Variants in FOXP1 observed in about 807,000 individuals in gnomAD.
The protein encoded by FOXP1 is forkhead box protein P1.
A neutral mutation model predicts 98.2 loss-of-function variants in FOXP1; 15 were observed. The observed-to-expected ratio is 0.15, with a 90% CI of 0.10 to 0.24. The LOEUF (loss-of-function observed/expected upper bound fraction) is 0.24. FOXP1 is among the 10% of genes least tolerant of loss of function. FOXP1 has a pLI of 1.00. For synonymous variants in FOXP1, 371 were observed against 314.5 expected, an observed-to-expected ratio of 1.18 and a Z score of -1.90; for missense variants, 633 against 848.5, an observed-to-expected ratio of 0.75 and a Z score of 3.15.
At chr3:71,560,734 G>A (rs766797973) in intron 2 of FOXP1, among the ~76,000 whole-genome samples, 106 of 152,226 alleles carry the variant, frequency 7.0e-4, no homozygotes, top group Non-Finnish European at 1.3e-3. Context: ...TAAAAAGAAT[G>A]AAGTACTGAT....
chr3:71,214,890 T>C (rs1247519244), intron 5 of FOXP1, among the ~76,000 whole-genome samples: 2 of 152,198 alleles, frequency 1.3e-5, no homozygotes, highest in African/African-American at 4.8e-5. Flanking sequence ...GGGTTTCCAA[T>C]AGAACCACAT....
At chr3:71,085,735 C>CTTTTTTTTTTTTTTTGTTTTTTTTTTTTT (rs56318177) in intron 7 of FOXP1, among the ~76,000 whole-genome samples, 1 of 37,038 alleles carries the variant, frequency 2.7e-5, no homozygotes, top group African/African-American at 9.9e-5. Flanking sequence ...CATTTATGGC[C>CTTTTTTTTTTTTTTTGTTTTTTTTTTTTT]TTTTTTTTTT....
At chr3:71,053,163 C>T (rs934499251) in intron 8 of FOXP1, among the ~76,000 whole-genome samples, 1 of 152,064 alleles carries the variant, frequency 6.6e-6, no homozygotes, top group African/African-American at 2.4e-5. Context: ...TCAGCAACAT[C>T]GTATGTGGAA....
chr3:71,513,859 A>C (rs2042374233), intron 2 of FOXP1, among the ~76,000 whole-genome samples: 1 of 152,192 alleles, frequency 6.6e-6, no homozygotes, highest in African/African-American at 2.4e-5. Flanking sequence ...ACAACTCTTA[A>C]GGCTAGCTCT....
chr3:71,109,926 T>C (rs1271395371), intron 7 of FOXP1, among the ~76,000 whole-genome samples: 1 of 152,168 alleles, frequency 6.6e-6, no homozygotes, highest in East Asian at 1.9e-4. Flanking sequence ...AATTCTCTGC[T>C]TGTCAATTCC....
intron 3 of FOXP1, among the ~76,000 whole-genome samples, chr3:71,365,981 A>G (rs1344781116): frequency 1.3e-5 from 2 of 152,212 alleles, no homozygotes; most frequent in African/African-American, 4.8e-5. Context: ...TAAAAACAAA[A>G]CAAAACAAAA....
chr3:71,174,826 A>ACACACACACACACACC (rs1050762895), intron 6 of FOXP1, among the ~76,000 whole-genome samples: 9 of 147,226 alleles, frequency 6.1e-5, no homozygotes, highest in Admixed American at 1.4e-4. Context: ...ACACACACAC[A>ACACACACACACACACC]CCCCAATATA....
intron 3 of FOXP1, among the ~76,000 whole-genome samples, chr3:71,459,931 C>G (rs1251395681): frequency 7.3e-6 from 1 of 137,028 alleles, no homozygotes; most frequent in Non-Finnish European, 1.6e-5. Flanking sequence ...GCCCCATCTT[C>G]TTTTTTTTTT....
At chr3:71,308,675 A>T (rs1315784959) in intron 4 of FOXP1, among the ~76,000 whole-genome samples, 2 of 151,790 alleles carry the variant, frequency 1.3e-5, no homozygotes, top group Admixed American at 6.6e-5. Context: ...CTCTTCTCTG[A>T]TTTGAGCAAA....
At chr3:71,022,512 C>A (rs1020537356) in intron 11 of FOXP1, among the ~76,000 whole-genome samples, 1 of 152,160 alleles carries the variant, frequency 6.6e-6, no homozygotes. Context: ...TTCCCAGATC[C>A]TGTTGATCCT....
At chr3:71,506,275 T>C (rs1416502958) in intron 2 of FOXP1, among the ~76,000 whole-genome samples, 1 of 152,202 alleles carries the variant, frequency 6.6e-6, no homozygotes, top group Admixed American at 6.5e-5. Flanking sequence ...TCTGGGCCTC[T>C]GTTTCATCAG....
chr3:71,416,004 A>G (rs2083183698), intron 3 of FOXP1, among the ~76,000 whole-genome samples: 1 of 152,220 alleles, frequency 6.6e-6, no homozygotes, highest in Admixed American at 6.5e-5. Context: ...TAGACCAACT[A>G]CTATCAATCA....
At chr3:71,308,785 GT>G (rs2074474346) in intron 4 of FOXP1, among the ~76,000 whole-genome samples, 1 of 151,174 alleles carries the variant, frequency 6.6e-6, no homozygotes, top group Non-Finnish European at 1.5e-5. Flanking sequence ...GTGTGTGTGT[GT>G]GTGTGTGTGT....
At chr3:71,332,024 G>A (rs1275631274) in intron 4 of FOXP1, among the ~76,000 whole-genome samples, 3 of 152,226 alleles carry the variant, frequency 2.0e-5, no homozygotes, top group Non-Finnish European at 4.4e-5. Flanking sequence ...TCAGCAGGAT[G>A]TGGGTGGGGC....
At chr3:71,239,559 C>A (rs1476963586) in intron 5 of FOXP1, among the ~76,000 whole-genome samples, 5 of 152,038 alleles carry the variant, frequency 3.3e-5, no homozygotes, top group Non-Finnish European at 7.4e-5. Flanking sequence ...CAAAAACAAA[C>A]AAACAAACAA....
At chr3:71,047,191 A>C in intron 9 of FOXP1, 96 bp from the exon 10 acceptor site, 1 of 1,444,532 alleles carries the variant, frequency 6.9e-7, no homozygotes, top group Non-Finnish European at 9.7e-7. Context: ...TCAAATGCTG[A>C]GAATGGTCAC....
intron 3 of FOXP1, among the ~76,000 whole-genome samples, chr3:71,492,852 A>G (rs571484116): frequency 1.8e-4 from 27 of 152,318 alleles, no homozygotes; most frequent in Admixed American, 2.0e-4. Context: ...AGAGAAAAAT[A>G]TCATCATGTC....
intron 3 of FOXP1, among the ~76,000 whole-genome samples, chr3:71,480,279 A>C (rs1242305715): frequency 2.0e-5 from 3 of 152,214 alleles, no homozygotes; most frequent in Admixed American, 2.0e-4. Context: ...ACTGCAACCA[A>C]AGGACTGAGC....
intron 3 of FOXP1, among the ~76,000 whole-genome samples, chr3:71,437,457 A>AT (rs544047012): frequency 1.2e-3 from 176 of 152,266 alleles, no homozygotes; most frequent in African/African-American, 4.1e-3. Context: ...TCATGAATAC[A>AT]TACAGAGTTT....
Sources: allele counts gnomAD v4.1 joint callset (sites outside exome capture counted in the v4.1 genomes callset), GRCh38; gene constraint gnomAD v4.1.1; transcripts MANE v1.5; gene names NCBI Gene and HGNC (gene_info 2026-07-23, HGNC 2026-07-21).